The following PROK1 variants were observed in gnomAD, a reference collection of about 807,000 sequenced individuals.
PROK1 encodes the protein prokineticin 1.
A neutral mutation model predicts 8.8 loss-of-function variants in PROK1; 10 were observed. That is an observed-to-expected ratio of 1.13 (90% CI 0.70 to 1.92). PROK1 has a LOEUF of 1.92. PROK1 is among the 30% of genes most tolerant of loss of function. The probability of loss-of-function intolerance (pLI) is 0.00; values close to 1 mark genes in which losing one functional copy is unlikely to be tolerated. For synonymous variants in PROK1, 57 were observed against 56.0 expected (o/e 1.02, Z -0.08); for missense variants, 140 against 139.7 (o/e 1.00, Z -0.01).
chr1:110,455,404 C>T (rs559608252), intron 2 of PROK1, among the ~76,000 whole-genome samples: 1 of 152,354 alleles, frequency 6.6e-6, no homozygotes, highest in African/African-American at 2.4e-5. Context: ...CTCTCCCAAT[C>T]ACAGCCCCTG....
Position 110,454,058 on chromosome 1 carries a change from G to T in PROK1, c.170G>T (p.Gly57Val). The T allele has an allele frequency of 6.2e-7, 1 of 1,613,866 alleles. No homozygotes were observed. The change falls in exon 2 of 3, where the codon GGC becomes GTC. Residue 57 changes from glycine to valine, a missense_variant. Transcript: ENST00000271331. ...ATGTGCACCCCGCTGGGGCGGGAAG[G>T]CGAGGAGTGCCACCCCGGCAGCCAC... ...LRMCTPLGRE[G>V]EECHPGSHKV... is the part of the protein sequence containing the mutation.
At chr1:110,452,941 C>T (rs1393647298) in intron 1 of PROK1, among the ~76,000 whole-genome samples, 3 of 152,182 alleles carry the variant, frequency 2.0e-5, no homozygotes, top group East Asian at 1.9e-4. Context: ...GGGTGTGAGA[C>T]GTGCCCTTGC....
chr1:110,455,435 C>G (rs1416815), intron 2 of PROK1, among the ~76,000 whole-genome samples: 1 of 152,242 alleles, frequency 6.6e-6, no homozygotes, highest in South Asian at 2.1e-4. Context: ...TGTCCCAGGA[C>G]GAAGAGGGGC....
chr1:110,452,902 C>T (rs1219651100), intron 1 of PROK1, among the ~76,000 whole-genome samples: 1 of 152,170 alleles, frequency 6.6e-6, no homozygotes, highest in Non-Finnish European at 1.5e-5. Flanking sequence ...GTTTCCTTTA[C>T]CCCAACCCCA....
intron 2 of PROK1, among the ~76,000 whole-genome samples, chr1:110,455,940 CGTGT>C (rs143245805): frequency 6.6e-6 from 1 of 151,022 alleles, no homozygotes; most frequent in African/African-American, 2.4e-5. Flanking sequence ...CATGTGTGTG[CGTGT>C]GTGTGTGTGT....
rs761252649 is a variant in PROK1, at chr1:110,451,256, G to A, written c.40G>A (p.Val14Ile). The A allele has an allele frequency of 1.9e-6, 3 of 1,614,076 alleles. No homozygotes were observed. In the African/African-American group the frequency reaches 4.0e-5, roughly 22 times the overall value. Reference sequence around the variant, plus strand: ...GCGAGTCTCAATCATGCTCCTCCTAGTAACTGTGTCTGACTGTGCTGTGAT... The same window carrying A: ...GCGAGTCTCAATCATGCTCCTCCTAATAACTGTGTCTGACTGTGCTGTGAT... ...ATRVSIMLLL[V>I]TVSDCAVITG... is the part of the protein sequence containing the mutation. The change falls in exon 1 of 3, where the codon GTA becomes ATA. Residue 14 changes from valine to isoleucine, a missense_variant. Transcript: ENST00000271331.
At chr1:110,455,552 A>C (rs1664159424) in intron 2 of PROK1, among the ~76,000 whole-genome samples, 1 of 152,238 alleles carries the variant, frequency 6.6e-6, no homozygotes. Context: ...AACAGTGATA[A>C]AAAAACTAAT....
chr1:110,451,169 G>C lies in PROK1; in HGVS notation c.-48G>C. 1 of 1,579,388 alleles carries C rather than the reference G, an allele frequency of 6.3e-7. No individual in the cohort carries two copies. Among genetic ancestry groups the C allele is most frequent in the Non-Finnish European group, 8.7e-7 (1 of 1,148,496 alleles). On this transcript the variant is annotated 5_prime_UTR_variant, in exon 1 of 3. Coordinates refer to ENST00000271331, the MANE Select transcript of PROK1 (RefSeq NM_032414.3). ...CAGGCACAAGGCTGAGCGGGAGGAA[G>C]CGAGAGGCATCTAAGCAGGCAGTGT...
rs551509875 is a variant in PROK1, at chr1:110,455,534, A to G, written c.199-698A>G. ...GTTCAGCTCCAGATCCATATTCCCA[A>G]TACAGACAACAGTGATAAAAAAACT... On this transcript the variant is annotated intron_variant, in intron 2 of 2. Transcript: ENST00000271331. Among the ~76,000 whole-genome samples the G allele has an allele frequency of 7.9e-5, 12 of 152,370 alleles. No individual in the cohort carries two copies. The South Asian group carries it at 2.5e-3, about 32-fold the overall frequency.
chr1:110,451,211 G>A lies in PROK1; in HGVS notation c.-6G>A. The A allele has an allele frequency of 6.2e-7, 1 of 1,614,108 alleles. No individual in the cohort carries two copies. The highest frequency in any genetic ancestry group is 8.5e-7 in the Non-Finnish European group (1 of 1,179,978). ...AGGCAGTGTTTTGCCTTCACCCCAA[G>A]TGACCATGAGAGGTGCCACGCGAGT... On this transcript the variant is annotated 5_prime_UTR_variant, in exon 1 of 3. It adds an upstream start codon to the 5' untranslated region. Transcript: ENST00000271331.
chr1:110,452,173 C>T (rs1185990451), intron 1 of PROK1, among the ~76,000 whole-genome samples: 2 of 152,150 alleles, frequency 1.3e-5, no homozygotes, highest in African/African-American at 4.8e-5. Context: ...CCTCCACCAG[C>T]TTTTTACATG....
intron 2 of PROK1, among the ~76,000 whole-genome samples, chr1:110,455,706 A>G (rs994542768): frequency 6.6e-6 from 1 of 152,222 alleles, no homozygotes; most frequent in African/African-American, 2.4e-5. Context: ...TGATTTGCTG[A>G]TTATCACACA....
At position 110,457,134 on chromosome 1, in the gene PROK1, T is replaced by C. The variant is rs1435606323; in HGVS notation, c.*783T>C. On this transcript the variant is annotated 3_prime_UTR_variant, in exon 3 of 3. Transcript: ENST00000271331. The stretch of plus-strand genomic sequence containing the variant: ...GGTGGTGGTTCAATCTAATCTGATA[T>C]TGACATATTAGAAGGCAATTAGGGT... The C allele has an allele frequency of 6.5e-6, 1 of 153,304 alleles. No individual in the cohort carries two copies. Among genetic ancestry groups the C allele is most frequent in the African/African-American group, 2.4e-5 (1 of 41,466 alleles). The allele number at this position is 153,304 out of a possible 1,614,324, so 9.5% of individuals were successfully genotyped here.
chr1:110,455,550 TA>T (rs1418991312), intron 2 of PROK1, among the ~76,000 whole-genome samples: 1 of 152,224 alleles, frequency 6.6e-6, no homozygotes. Flanking sequence ...ACAACAGTGA[TA>T]AAAAAACTAA....
chr1:110,454,215 G>A, intron 2 of PROK1, 129 bp downstream of exon 2: 1 of 1,264,148 alleles, frequency 7.9e-7, no homozygotes, highest in Non-Finnish European at 1.1e-6. Context: ...AGTCTAGGGA[G>A]GCTGTGGCTC....
In PROK1 at chr1:110,456,307, G is replaced by A. The variant is rs769578549; in HGVS notation, c.274G>A (p.Gly92Ser). The A allele has an allele frequency of 6.8e-6, 11 of 1,613,882 alleles. No homozygotes were observed. The highest frequency in any genetic ancestry group is 3.3e-5 in the Admixed American group (2 of 60,002). ...CCTGCTGTGCTCCAGGTTCCCGGAC[G>A]GCAGGTACCGCTGCTCCATGGACTT... ...PNLLCSRFPDGRYRCSMDLKN... is the reference protein window; with the variant it reads ...PNLLCSRFPDSRYRCSMDLKN... The change falls in exon 3 of 3, where the codon GGC becomes AGC. Residue 92 changes from glycine to serine, a missense_variant. Gly to Ser is a moderately conservative substitution (Grantham distance 56). Transcript: ENST00000271331.
At chr1:110,453,726 G>A (rs1054554094) in intron 1 of PROK1, among the ~76,000 whole-genome samples, 6 of 152,236 alleles carry the variant, frequency 3.9e-5, no homozygotes, top group African/African-American at 1.4e-4. Context: ...GTGGCCTCCA[G>A]GAGCTTGGAA....
chr1:110,453,347 C>A (rs1664116906), intron 1 of PROK1, among the ~76,000 whole-genome samples: 1 of 152,214 alleles, frequency 6.6e-6, no homozygotes, highest in African/African-American at 2.4e-5. Context: ...CCAGGCAGGG[C>A]CGCTCAGCTC....
chr1:110,452,184 G>A (rs1219135824), intron 1 of PROK1, among the ~76,000 whole-genome samples: 2 of 152,204 alleles, frequency 1.3e-5, no homozygotes, highest in African/African-American at 4.8e-5. Context: ...TTTTTACATG[G>A]ATAGTGGAAA....
Sources: allele counts gnomAD v4.1 joint callset (sites outside exome capture counted in the v4.1 genomes callset), GRCh38; gene constraint gnomAD v4.1.1; transcripts MANE v1.5; gene names NCBI Gene and HGNC (gene_info 2026-07-23, HGNC 2026-07-21).